ATP9B: variants seen among roughly 807,000 people sequenced by gnomAD.
ATP9B encodes ATPase phospholipid transporting 9B, also known as probable phospholipid-transporting ATPase IIB.
In ATP9B, 110 loss-of-function variants were observed where a neutral mutation model predicts 146.1. The ratio of observed to expected loss-of-function variants is 0.75; its 90% CI spans 0.65 to 0.88. ATP9B has a LOEUF of 0.88. Ranked by LOEUF, ATP9B falls within the 40% of genes least tolerant of loss-of-function variation. The probability of loss-of-function intolerance (pLI) is 0.00; values close to 1 mark genes in which losing one functional copy is unlikely to be tolerated. For synonymous variants in ATP9B, 604 were observed against 569.7 expected (o/e 1.06, Z -0.86); for missense variants, 1,499 against 1,496.4 (o/e 1.00, Z -0.03).
intron 11 of ATP9B, among the ~76,000 whole-genome samples, chr18:79,252,359 AGAGTCCC>A (rs529292541): frequency 8.5e-4 from 130 of 152,346 alleles, no homozygotes; most frequent in African/African-American, 3.1e-3. Context: ...GCCTAAATCC[AGAGTCCC>A]GAGGAATCCT....
intron 4 of ATP9B, among the ~76,000 whole-genome samples, chr18:79,120,759 A>G (rs376640190): frequency 6.6e-6 from 1 of 152,236 alleles, no homozygotes; most frequent in East Asian, 1.9e-4. Context: ...TGTATCTTCT[A>G]TATAAAATGT....
Position 79,149,845 on chromosome 18 carries a change from G to A in ATP9B, c.727-4659G>A, listed in dbSNP as rs370327540. On this transcript the variant is annotated intron_variant, in intron 6 of 29. Coordinates refer to ENST00000426216, the MANE Select transcript of ATP9B (RefSeq NM_198531.5). ...CACCTGTAATCCCAGCACTTTGGGA[G>A]GTCGAAGGGGACGGATCACAAGGTC... Among the ~76,000 whole-genome samples, 5 of 152,256 alleles carry A rather than the reference G, an allele frequency of 3.3e-5. No individual in the cohort carries two copies. The South Asian group carries it at 1.0e-3, about 32-fold the overall frequency.
At chr18:79,127,325 C>A (rs778079771) in intron 5 of ATP9B, among the ~76,000 whole-genome samples, 1 of 152,092 alleles carries the variant, frequency 6.6e-6, no homozygotes, top group African/African-American at 2.4e-5. Flanking sequence ...TCAGAAGGAG[C>A]CCTGAATACA....
chr18:79,344,444 A>C, intron 21 of ATP9B, 90 bp downstream of exon 21: 1 of 1,159,342 alleles, frequency 8.6e-7, no homozygotes, highest in South Asian at 1.3e-5. Flanking sequence ...CTCTCAGGCA[A>C]GGCTGGACCC....
rs145568219 is a variant in ATP9B, at chr18:79,151,839, A to G, written c.727-2665A>G. On this transcript the variant is annotated intron_variant, in intron 6 of 29. Coordinates refer to ENST00000426216, the MANE Select transcript of ATP9B (RefSeq NM_198531.5). ...CTGCACCCATCAACCCGTCGTCTAC[A>G]TTAGGTATTTCTTCTGTTGCTATCC... Among the ~76,000 whole-genome samples the G allele has an allele frequency of 1.4e-3, 217 of 152,050 alleles. 3 individuals carry two copies. The highest frequency in any genetic ancestry group is 4.9e-3 in the African/African-American group (204 of 41,452).
chr18:79,355,655 C>T (rs1409351570), intron 25 of ATP9B, among the ~76,000 whole-genome samples: 2 of 150,752 alleles, frequency 1.3e-5, no homozygotes, highest in Non-Finnish European at 2.9e-5. Flanking sequence ...GGCCGCTGTA[C>T]CGTTTGTGCC....
chr18:79,301,867 A>T, intron 13 of ATP9B, among the ~76,000 whole-genome samples: 1 of 152,306 alleles, frequency 6.6e-6, no homozygotes, highest in African/African-American at 2.4e-5. Context: ...TATCAAAACA[A>T]TCTCTAAAAT....
rs1482830268 is a variant in ATP9B at position 79,270,795 on chromosome 18, G to C, written c.1269-6259G>C. Among the ~76,000 whole-genome samples, 3 of 152,116 alleles carry C rather than the reference G, an allele frequency of 2.0e-5. No homozygotes were observed. The East Asian group carries it at 5.8e-4, about 29-fold the overall frequency. ...AGAGTACTTTTCAAACAGTGTTCTT[G>C]AGCTTGCCTGGGGAATGAAGCCCCA... is the stretch of plus-strand genomic sequence containing the variant. On this transcript the variant is annotated intron_variant, in intron 12 of 29. Coordinates refer to ENST00000426216, the MANE Select transcript of ATP9B (RefSeq NM_198531.5).
intron 28 of ATP9B, 133 bp from the exon 29 acceptor site, chr18:79,375,261 A>G: frequency 2.7e-6 from 2 of 749,992 alleles, no homozygotes; most frequent in Middle Eastern, 4.8e-4. Flanking sequence ...TGTTAAAACC[A>G]CATTGAAAAC....
chr18:79,170,281 A>G (rs530471572), intron 7 of ATP9B, among the ~76,000 whole-genome samples: 294 of 152,342 alleles, frequency 1.9e-3, no homozygotes, highest in Non-Finnish European at 3.3e-3. Flanking sequence ...AAATTGATGA[A>G]TGGGAGCACA....
At chr18:79,086,596 T>C (rs2146600904) in intron 1 of ATP9B, among the ~76,000 whole-genome samples, 1 of 152,154 alleles carries the variant, frequency 6.6e-6, no homozygotes, top group Non-Finnish European at 1.5e-5. Flanking sequence ...AACTGAAGTA[T>C]GTATCCTGAG....
At chr18:79,123,063 AT>A (rs2094216600) in intron 4 of ATP9B, among the ~76,000 whole-genome samples, 1 of 152,156 alleles carries the variant, frequency 6.6e-6, no homozygotes, top group Non-Finnish European at 1.5e-5. Flanking sequence ...TCTGTTCAAC[AT>A]TGTATAGGGC....
chr18:79,337,186 C>G (rs865919004), intron 18 of ATP9B, 93 bp from the exon 19 acceptor site: 5 of 1,435,112 alleles, frequency 3.5e-6, no homozygotes, highest in East Asian at 2.3e-5. Flanking sequence ...GTCACCTCCC[C>G]CTCTGTCCCC....
rs762186569 is a variant in ATP9B, at chr18:79,096,533, A to G, written c.177A>G (p.Glu59=). The G allele has an allele frequency of 1.2e-6, 2 of 1,614,104 alleles. No individual in the cohort carries two copies. The highest frequency in any genetic ancestry group is 1.7e-6 in the Non-Finnish European group (2 of 1,179,974). The change falls in exon 2 of 30, where the codon GAA becomes GAG. Residue 59 remains glutamate, a synonymous_variant. Coordinates refer to ENST00000426216, the MANE Select transcript of ATP9B (RefSeq NM_198531.5). ...ATGAAATGCCACTAATGATGTCTGA[A>G]GAAGGCTTTGAGAATGAGGAAAGTG... The part of the protein sequence containing the change: ...HLDEMPLMMS[E]EGFENEESDY...
chr18:79,224,316 C>T (rs528540765), intron 11 of ATP9B, among the ~76,000 whole-genome samples: 1 of 152,296 alleles, frequency 6.6e-6, no homozygotes, highest in East Asian at 1.9e-4. Flanking sequence ...GTCTCCCTAC[C>T]AGATCATGCC....
chr18:79,232,104 T>C (rs2095798680), intron 11 of ATP9B, among the ~76,000 whole-genome samples: 1 of 152,044 alleles, frequency 6.6e-6, no homozygotes, highest in South Asian at 2.1e-4. Flanking sequence ...GGGTCATTGC[T>C]CAGGGGAAAA....
At chr18:79,119,479 G>A (rs757177516) in intron 4 of ATP9B, among the ~76,000 whole-genome samples, 1 of 151,932 alleles carries the variant, frequency 6.6e-6, no homozygotes, top group Non-Finnish European at 1.5e-5. Flanking sequence ...ATCATTTTTT[G>A]ACATGTATTA....
At chr18:79,101,946 A>C (rs1035680850) in intron 2 of ATP9B, among the ~76,000 whole-genome samples, 3 of 150,636 alleles carry the variant, frequency 2.0e-5, no homozygotes, top group East Asian at 2.0e-4. Flanking sequence ...TTTTTATTTT[A>C]TTTTTTTTCT....
intron 28 of ATP9B, among the ~76,000 whole-genome samples, chr18:79,375,171 C>T (rs1057496792): frequency 2.6e-5 from 4 of 152,240 alleles, no homozygotes; most frequent in African/African-American, 9.6e-5. Flanking sequence ...AAGGTGTGTG[C>T]TTCTCAGACA....
Sources: allele counts gnomAD v4.1 joint callset (sites outside exome capture counted in the v4.1 genomes callset), GRCh38; gene constraint gnomAD v4.1.1; transcripts MANE v1.5; gene names NCBI Gene and HGNC (gene_info 2026-07-23, HGNC 2026-07-21).